HS3ST4: variants seen among roughly 807,000 people sequenced by gnomAD.
HS3ST4 encodes the protein heparan sulfate glucosamine 3-O-sulfotransferase 4.
A neutral mutation model predicts 29.2 loss-of-function variants in HS3ST4; 17 were observed. The observed-to-expected ratio is 0.58, with a 90% CI of 0.40 to 0.87. The LOEUF (loss-of-function observed/expected upper bound fraction) is 0.87, where lower values mean the gene tolerates loss of function less well. Ranked by LOEUF, HS3ST4 falls within the 40% of genes least tolerant of loss-of-function variation. The pLI, the probability that HS3ST4 is intolerant of heterozygous loss-of-function variation, is 0.00. For missense variants in HS3ST4, 627 were observed against 634.5 expected, an observed-to-expected ratio of 0.99 and a Z score of 0.13; for synonymous variants, 314 against 285.7, an observed-to-expected ratio of 1.10 and a Z score of -1.00.
intron 1 of HS3ST4, among the ~76,000 whole-genome samples, chr16:25,787,896 G>A (rs1379685630): frequency 1.3e-5 from 2 of 152,166 alleles, no homozygotes; most frequent in Non-Finnish European, 2.9e-5. Context: ...TGAGTGTGTT[G>A]CTTGTTATTT....
intron 1 of HS3ST4, among the ~76,000 whole-genome samples, chr16:26,098,805 G>C (rs542000722): frequency 6.6e-6 from 1 of 152,188 alleles, no homozygotes; most frequent in South Asian, 2.1e-4. Flanking sequence ...TGCTGTGCAG[G>C]GGGGTAGATG....
intron 1 of HS3ST4, among the ~76,000 whole-genome samples, chr16:25,954,231 C>T (rs1968706387): frequency 6.6e-6 from 1 of 152,278 alleles, no homozygotes; most frequent in East Asian, 1.9e-4. Context: ...TTTTAAAAGC[C>T]AGTGTTCAGT....
chr16:26,103,612 A>G (rs1187333485), intron 1 of HS3ST4, among the ~76,000 whole-genome samples: 2 of 152,182 alleles, frequency 1.3e-5, no homozygotes, highest in Admixed American at 6.5e-5. Flanking sequence ...AAAGGAACCT[A>G]TCTGGCTACT....
chr16:26,082,777 C>G (rs1401450531), intron 1 of HS3ST4, among the ~76,000 whole-genome samples: 1 of 152,214 alleles, frequency 6.6e-6, no homozygotes, highest in African/African-American at 2.4e-5. Context: ...ATCCGTCATC[C>G]TGGAATTCCA....
intron 1 of HS3ST4, among the ~76,000 whole-genome samples, chr16:25,772,064 A>G (rs1966842983): frequency 6.6e-6 from 1 of 152,140 alleles, no homozygotes; most frequent in African/African-American, 2.4e-5. Flanking sequence ...CACCTACTCA[A>G]CTCTGCCCTT....
intron 1 of HS3ST4, among the ~76,000 whole-genome samples, chr16:26,040,356 C>T (rs113918037): frequency 0.017 from 2,486 of 148,156 alleles, 66 homozygotes; most frequent in African/African-American, 0.057. Flanking sequence ...CAGGCTGGAG[C>T]GCAGTGGCAT....
chr16:26,086,017 A>G (rs1200167942), intron 1 of HS3ST4, among the ~76,000 whole-genome samples: 4 of 152,130 alleles, frequency 2.6e-5, no homozygotes, highest in African/African-American at 9.7e-5. Context: ...CTGACCCTCC[A>G]TATTGTCATC....
chr16:25,884,912 C>A (rs564464951), intron 1 of HS3ST4, among the ~76,000 whole-genome samples: 8 of 152,240 alleles, frequency 5.3e-5, no homozygotes, highest in African/African-American at 1.9e-4. Context: ...TTTTTGTTTA[C>A]CCCTTAGTGT....
chr16:25,743,755 C>A (rs182302839), intron 1 of HS3ST4, among the ~76,000 whole-genome samples: 4 of 152,182 alleles, frequency 2.6e-5, no homozygotes, highest in Non-Finnish European at 4.4e-5. Context: ...ACCTGCCCAC[C>A]TCGGCCTCCC....
chr16:25,908,903 A>G (rs1389201227), intron 1 of HS3ST4, among the ~76,000 whole-genome samples: 1 of 152,156 alleles, frequency 6.6e-6, no homozygotes, highest in East Asian at 1.9e-4. Context: ...AAGGGAGAAA[A>G]CGAGGACAGA....
intron 1 of HS3ST4, among the ~76,000 whole-genome samples, chr16:25,958,237 C>G (rs911776772): frequency 6.6e-6 from 1 of 152,162 alleles, no homozygotes; most frequent in African/African-American, 2.4e-5. Context: ...ATCTTTGCTG[C>G]GTAAGAAATC....
At chr16:25,763,067 T>G (rs931764628) in intron 1 of HS3ST4, among the ~76,000 whole-genome samples, 1 of 151,900 alleles carries the variant, frequency 6.6e-6, no homozygotes, top group Admixed American at 6.6e-5. Context: ...TACCTGATTT[T>G]GATTATTTCC....
At chr16:26,121,991 G>C (rs1379606323) in intron 1 of HS3ST4, among the ~76,000 whole-genome samples, 2 of 152,126 alleles carry the variant, frequency 1.3e-5, no homozygotes, top group East Asian at 3.9e-4. Flanking sequence ...CCTGAAGTGA[G>C]ACGTTGCAAT....
intron 1 of HS3ST4, among the ~76,000 whole-genome samples, chr16:25,988,568 T>G (rs1969084638): frequency 6.6e-6 from 1 of 152,212 alleles, no homozygotes; most frequent in Non-Finnish European, 1.5e-5. Context: ...CTAAGTTATC[T>G]CTAGGATAGT....
In HS3ST4 at chr16:25,692,828, C is replaced by T. The variant is rs1263012153; in HGVS notation, c.411C>T (p.Asp137=). The change falls in exon 1 of 2, where the codon GAC becomes GAT. Residue 137 remains aspartate, a synonymous_variant. Coordinates refer to ENST00000331351, the MANE Select transcript of HS3ST4 (RefSeq NM_006040.3). ...CGAGCGGCGGCGGAGGCGCCCAGGA[C>T]GCCTGGCTCCGGACCCCGCTGGCCC... ...GLPSGGGGAQ[D]AWLRTPLAPS... is the part of the protein sequence containing the mutation. 2.2e-6 allele frequency: 3 copies of T among 1,391,968 alleles called. No homozygotes were observed. The highest frequency in any genetic ancestry group is 2.8e-6 in the Non-Finnish European group (3 of 1,079,736). The allele number at this position is 1,391,968 out of a possible 1,614,324, so 86.2% of individuals were successfully genotyped here.
chr16:25,800,838 G>A (rs1052199558), intron 1 of HS3ST4, among the ~76,000 whole-genome samples: 9 of 152,130 alleles, frequency 5.9e-5, no homozygotes, highest in African/African-American at 1.7e-4. Context: ...TCTGCCTTTT[G>A]AGGATGGAGC....
At chr16:26,117,420 C>T (rs575111091) in intron 1 of HS3ST4, among the ~76,000 whole-genome samples, 6 of 152,310 alleles carry the variant, frequency 3.9e-5, no homozygotes, top group African/African-American at 1.4e-4. Flanking sequence ...TTGTAACTTG[C>T]CTTCTAGCGT....
chr16:25,960,989 T>A (rs1968788307), intron 1 of HS3ST4, among the ~76,000 whole-genome samples: 1 of 152,212 alleles, frequency 6.6e-6, no homozygotes, highest in Non-Finnish European at 1.5e-5. Flanking sequence ...TATTGCCTTC[T>A]CCTCATTCCC....
At chr16:25,977,220 G>A (rs553196888) in intron 1 of HS3ST4, among the ~76,000 whole-genome samples, 3 of 152,016 alleles carry the variant, frequency 2.0e-5, no homozygotes, top group Non-Finnish European at 4.4e-5. Context: ...TTGCATGCTC[G>A]CTGGAGCATG....
Sources: allele counts gnomAD v4.1 joint callset (sites outside exome capture counted in the v4.1 genomes callset), GRCh38; gene constraint gnomAD v4.1.1; transcripts MANE v1.5; gene names NCBI Gene and HGNC (gene_info 2026-07-23, HGNC 2026-07-21).